The following TNNI1 variants were observed in gnomAD, a reference collection of about 807,000 sequenced individuals.
The protein encoded by TNNI1 is troponin I, slow skeletal muscle.
A neutral mutation model predicts 26.7 loss-of-function variants in TNNI1; 14 were observed. The ratio of observed to expected loss-of-function variants is 0.52; its 90% CI spans 0.35 to 0.82. The LOEUF is 0.82. TNNI1 is among the 40% of genes least tolerant of loss of function. The probability of loss-of-function intolerance (pLI) is 0.01; values close to 1 mark genes in which losing one functional copy is unlikely to be tolerated. For synonymous variants in TNNI1, 79 were observed against 98.2 expected, an observed-to-expected ratio of 0.80 and a Z score of 1.16; for missense variants, 164 against 257.0, an observed-to-expected ratio of 0.64 and a Z score of 2.47.
intron 3 of TNNI1, among the ~76,000 whole-genome samples, chr1:201,416,357 T>C (rs1662740034): frequency 6.6e-6 from 1 of 152,254 alleles, no homozygotes; most frequent in Non-Finnish European, 1.5e-5. Flanking sequence ...GGTGAGCCGA[T>C]GGCCACCTCA....
At chr1:201,410,479 C>A in intron 7 of TNNI1, 44 bp from the exon 8 acceptor site, 1 of 1,557,610 alleles carries the variant, frequency 6.4e-7, no homozygotes, top group South Asian at 1.1e-5. Flanking sequence ...CCAGGCTGGA[C>A]GGCCCCCCAG....
Position 201,411,478 on chromosome 1 carries a change from G to A in TNNI1, c.335C>T (p.Pro112Leu). ...MDLRGKFKRP[P>L]LRRVRVSADA... ...AGCCGAGACACGGACTCGACGCAGG[G>A]GCGGGCGCTTGAACTTCCCACGGAG... The change falls in exon 7 of 9, where the codon CCC (proline) becomes CTC (leucine). Residue 112 changes from proline to leucine, a missense_variant. Around this residue, in one of 3 missense-constraint regions of TNNI1, gnomAD observed 117 missense variants for 158.7 expected, o/e 0.74. Coordinates refer to ENST00000361379, the MANE Select transcript of TNNI1 (RefSeq NM_003281.4). This position sits in a 1 kb window ranked among gnomAD's most constrained non-coding sequence, Gnocchi z 4.6. The A allele has an allele frequency of 2.5e-6, 4 of 1,612,490 alleles. No homozygotes were observed. The highest frequency in any genetic ancestry group is 3.4e-6 in the Non-Finnish European group (4 of 1,179,384).
intron 5 of TNNI1, among the ~76,000 whole-genome samples, chr1:201,413,622 G>A (rs1234605895): frequency 6.6e-6 from 1 of 151,804 alleles, no homozygotes; most frequent in African/African-American, 2.4e-5. Context: ...GTGTGCACCT[G>A]TAGTCCTAGC....
At position 201,405,426 on chromosome 1, in the gene TNNI1, A is replaced by G. The variant is rs1260783620; in HGVS notation, c.*3827T>C. 1 of 152,678 alleles carries G rather than the reference A, an allele frequency of 6.5e-6. No individual in the cohort carries two copies. Among genetic ancestry groups the G allele is most frequent in the African/African-American group, 2.4e-5 (1 of 41,456 alleles). The allele number at this position is 152,678 out of a possible 1,614,324, so 9.5% of individuals were successfully genotyped here. ...GGGGATGTCTGAGGAAAGAGACCTG[A>G]TGGGGGTCAGGAGCAGAAGCTGCCA... is the stretch of plus-strand genomic sequence containing the variant. On this transcript the variant is annotated 3_prime_UTR_variant, in exon 9 of 9. Coordinates refer to ENST00000361379, the MANE Select transcript of TNNI1 (RefSeq NM_003281.4).
chr1:201,419,434 G>C (rs1188996488), intron 1 of TNNI1, among the ~76,000 whole-genome samples: 1 of 152,168 alleles, frequency 6.6e-6, no homozygotes, highest in Non-Finnish European at 1.5e-5. Context: ...GGTGTGCAGG[G>C]GCGCACAGGA....
chr1:201,414,690 C>T, intron 4 of TNNI1, 41 bp from the exon 5 acceptor site: 1 of 1,599,900 alleles, frequency 6.3e-7, no homozygotes, highest in Non-Finnish European at 8.5e-7. Flanking sequence ...CCTCACATCT[C>T]CCACCCGGCA....
intron 1 of TNNI1, among the ~76,000 whole-genome samples, chr1:201,419,790 G>T (rs1000750348): frequency 1.3e-5 from 2 of 152,214 alleles, no homozygotes; most frequent in Non-Finnish European, 2.9e-5. Flanking sequence ...TAAGGCTGGG[G>T]TGGAGGAGGT....
intron 1 of TNNI1, among the ~76,000 whole-genome samples, chr1:201,420,330 T>C (rs1224511969): frequency 6.6e-6 from 1 of 152,230 alleles, no homozygotes; most frequent in Non-Finnish European, 1.5e-5. Flanking sequence ...AAGCGAGGAC[T>C]GATAAGTCAG....
At chr1:201,417,632 G>A (rs1295228788) in intron 2 of TNNI1, 151 bp downstream of exon 2, 1 of 592,304 alleles carries the variant, frequency 1.7e-6, no homozygotes, top group East Asian at 3.4e-5. Context: ...GCAGCACAGG[G>A]GAAACCATCA....
intron 3 of TNNI1, among the ~76,000 whole-genome samples, chr1:201,416,323 T>G (rs1327042892): frequency 6.6e-6 from 1 of 152,224 alleles, no homozygotes; most frequent in African/African-American, 2.4e-5. Context: ...AATGTTTGAC[T>G]GCGATCTTAT....
chr1:201,414,436 C>T, intron 5 of TNNI1, 82 bp downstream of exon 5: 3 of 1,285,258 alleles, frequency 2.3e-6, no homozygotes, highest in Non-Finnish European at 3.1e-6. Context: ...GGTGTTAGTT[C>T]AGGCTCCTGC....
intron 3 of TNNI1, among the ~76,000 whole-genome samples, chr1:201,416,264 ACT>A (rs1351499283): frequency 1.3e-5 from 2 of 152,098 alleles, no homozygotes; most frequent in African/African-American, 4.8e-5. Context: ...AGAGCCTATG[ACT>A]CTAAGCATTA....
intron 2 of TNNI1, among the ~76,000 whole-genome samples, 195 bp downstream of exon 2, chr1:201,417,588 G>C (rs1199794017): frequency 6.6e-6 from 1 of 152,152 alleles, no homozygotes; most frequent in East Asian, 1.9e-4. Context: ...GGCAACCTGG[G>C]AGTGAGTTCT....
At chr1:201,420,270 G>A (rs1662830198) in intron 1 of TNNI1, among the ~76,000 whole-genome samples, 1 of 152,264 alleles carries the variant, frequency 6.6e-6, no homozygotes, top group Admixed American at 6.5e-5. Flanking sequence ...GCCTCAGCCT[G>A]TGCTCTGACA....
At chr1:201,415,920 T>C (rs1375133409) in intron 3 of TNNI1, among the ~76,000 whole-genome samples, 1 of 152,172 alleles carries the variant, frequency 6.6e-6, no homozygotes, top group African/African-American at 2.4e-5. Flanking sequence ...AGGTGAGTAG[T>C]AGGGCTGCTT....
rs1490431916 is a variant in TNNI1, at chr1:201,404,485, T to C, written c.*4768A>G. The C allele has an allele frequency of 6.6e-6, 1 of 152,210 alleles. No homozygotes were observed. Among genetic ancestry groups the C allele is most frequent in the Non-Finnish European group, 1.5e-5 (1 of 68,040 alleles). 9.4% of individuals were successfully genotyped at this position (152,210 alleles called of 1,614,324 possible). ...TACAAACTAATAATATTGTGTAATATAAATACTGACATTGTGCTGCCACCA... is the reference window on the plus strand; with the variant it reads ...TACAAACTAATAATATTGTGTAATACAAATACTGACATTGTGCTGCCACCA... On this transcript the variant is annotated 3_prime_UTR_variant, in exon 9 of 9. Transcript: ENST00000361379.
Position 201,410,553 on chromosome 1 carries a change from C to T in TNNI1, c.457-118G>A, listed in dbSNP as rs1662615498. ...GATGATAAGAAATCCTGATGCCCCTCCCCAGCTGGTAAGGTCCTAGGACTC... is the reference window on the plus strand; with the variant it reads ...GATGATAAGAAATCCTGATGCCCCTTCCCAGCTGGTAAGGTCCTAGGACTC... On this transcript the variant is annotated intron_variant, in intron 7 of 8. Coordinates refer to ENST00000361379, the MANE Select transcript of TNNI1 (RefSeq NM_003281.4). 6 of 845,090 alleles carry T rather than the reference C, an allele frequency of 7.1e-6. No homozygotes were observed. The South Asian group carries it at 9.6e-5, about 13-fold the overall frequency. 52.3% of individuals were successfully genotyped at this position (845,090 alleles called of 1,614,324 possible).
In TNNI1 at chr1:201,411,597, G is replaced by A. The variant is rs1662637406; in HGVS notation, c.280-64C>T. 1 of 1,454,296 alleles carries A rather than the reference G, an allele frequency of 6.9e-7. No homozygotes were observed. The highest frequency in any genetic ancestry group is 1.5e-5 in the African/African-American group (1 of 68,584). 90.1% of individuals were successfully genotyped at this position (1,454,296 alleles called of 1,614,324 possible). ...GCTAGCCACAGGACACCCTTCCTGAGGACCTCAGACTGCTAGGGTTCCAGC... is the reference window on the plus strand; with the variant it reads ...GCTAGCCACAGGACACCCTTCCTGAAGACCTCAGACTGCTAGGGTTCCAGC... On this transcript the variant is annotated intron_variant, in intron 6 of 8. Coordinates refer to ENST00000361379, the MANE Select transcript of TNNI1 (RefSeq NM_003281.4). The surrounding 1 kb of genome is among the most constrained non-coding windows in gnomAD (Gnocchi z 4.6).
intron 8 of TNNI1, 164 bp downstream of exon 8, chr1:201,410,162 A>T: frequency 1.6e-6 from 1 of 606,554 alleles, no homozygotes; most frequent in Admixed American, 2.9e-5. Flanking sequence ...ATGGTGCTGG[A>T]GCCAGGACTG....
Sources: allele counts gnomAD v4.1 joint callset (sites outside exome capture counted in the v4.1 genomes callset), GRCh38; gene constraint gnomAD v4.1.1; regional missense constraint gnomAD v4.1.1; non-coding constraint Gnocchi (gnomAD v3.1); transcripts MANE v1.5; gene names NCBI Gene and HGNC (gene_info 2026-07-23, HGNC 2026-07-21).